RBM25: variants seen among roughly 807,000 people sequenced by gnomAD.
The protein encoded by RBM25 is RNA-binding protein 25.
Under a neutral mutation model 120.7 loss-of-function variants are expected in RBM25, and 19 were observed. The observed-to-expected ratio is 0.16, with a 90% confidence interval of 0.11 to 0.23. RBM25 has a LOEUF of 0.23. Ranked by LOEUF, RBM25 falls within the 10% of genes least tolerant of loss-of-function variation. The probability of loss-of-function intolerance (pLI) is 1.00; values close to 1 mark genes in which losing one functional copy is unlikely to be tolerated. For synonymous variants in RBM25, 390 were observed against 326.7 expected, an observed-to-expected ratio of 1.19 and a Z score of -2.09; for missense variants, 605 against 1,041.5, an observed-to-expected ratio of 0.58 and a Z score of 5.77.
chr14:73,076,024 A>G (rs1895412488), intron 2 of RBM25, among the ~76,000 whole-genome samples: 1 of 152,168 alleles, frequency 6.6e-6, no homozygotes, highest in Non-Finnish European at 1.5e-5. Flanking sequence ...ATTGGTTTTG[A>G]GGATCACCGA....
In RBM25 at chr14:73,109,365, T is replaced by C; in HGVS notation, c.1565T>C (p.Leu522Ser). The C allele has an allele frequency of 6.2e-7, 1 of 1,613,900 alleles. No homozygotes were observed. Among genetic ancestry groups the C allele is most frequent in the Non-Finnish European group, 8.5e-7 (1 of 1,179,910 alleles). ...YYRGSALQKR[L>S]RDREKEMEAD... ...AGAGGAAGTGCTCTTCAGAAAAGGT[T>C]GCGTGATAGAGAAAAGGAAATGGAA... The change falls in exon 14 of 19, where the codon TTG becomes TCG. Residue 522 changes from leucine (L) to serine (S), a missense_variant. By Grantham distance (145) the Leu-to-Ser change is moderately radical. This residue lies in a region of RBM25 where 465 missense variants were observed against 741.6 expected (regional missense o/e 0.63). Coordinates refer to ENST00000261973, the MANE Select transcript of RBM25 (RefSeq NM_021239.3).
Position 73,120,048 on chromosome 14 carries a change from G to T in RBM25, c.*243G>T. ...AAATTACTGGTATGTTTTATAAGCC[G>T]CAGCTACTGTACACAGCCTATCTGA... On this transcript the variant is annotated 3_prime_UTR_variant, in exon 19 of 19. Coordinates refer to ENST00000261973, the MANE Select transcript of RBM25 (RefSeq NM_021239.3). 1 of 421,002 alleles carries T rather than the reference G, an allele frequency of 2.4e-6. No homozygotes were observed. The highest frequency in any genetic ancestry group is 4.0e-6 in the Non-Finnish European group (1 of 247,010). 26.1% of individuals were successfully genotyped at this position (421,002 alleles called of 1,614,324 possible). A position where few individuals can be genotyped will look rare whatever the true frequency, so the allele number is the denominator to read the frequency against.
intron 6 of RBM25, among the ~76,000 whole-genome samples, chr14:73,093,129 C>T (rs1288120232): frequency 5.3e-5 from 8 of 152,102 alleles, no homozygotes; most frequent in Non-Finnish European, 1.0e-4. Context: ...AGTTATTAAC[C>T]ATATATTCAA....
chr14:73,081,590 A>G (rs1895565105), intron 4 of RBM25, among the ~76,000 whole-genome samples: 1 of 152,166 alleles, frequency 6.6e-6, no homozygotes, highest in Non-Finnish European at 1.5e-5. Context: ...GACACATAGT[A>G]GTTCCTGTTA....
intron 1 of RBM25, chr14:73,068,671 CTTCCT>C (rs1895202193): frequency 2.9e-6 from 1 of 345,666 alleles, no homozygotes; most frequent in African/African-American, 2.1e-5. Flanking sequence ...GGGACGCACG[CTTCCT>C]TGGCTGGACT....
Position 73,080,827 on chromosome 14 carries a change from T to C in RBM25, c.325-2667T>C, listed in dbSNP as rs933152471. The stretch of plus-strand genomic sequence containing the variant: ...TTTGGTTTGTTTTCTTTCTTTCTTT[T>C]TTTTTTTTTTTATTTGAGATGGAGT... On this transcript the variant is annotated intron_variant, in intron 4 of 18. Coordinates refer to ENST00000261973, the MANE Select transcript of RBM25 (RefSeq NM_021239.3). Among the ~76,000 whole-genome samples the C allele has an allele frequency of 8.0e-5, 12 of 149,942 alleles. No homozygotes were observed. In the South Asian group the frequency reaches 8.4e-4, roughly 10 times the overall value.
intron 13 of RBM25, 98 bp from the exon 14 acceptor site, chr14:73,109,244 C>A: frequency 1.6e-6 from 2 of 1,264,864 alleles, no homozygotes; most frequent in Non-Finnish European, 2.2e-6. Flanking sequence ...TCTTAGCATG[C>A]AGGTTGTAAT....
At chr14:73,113,491 G>T (rs527868573) in intron 17 of RBM25, among the ~76,000 whole-genome samples, 5 of 151,798 alleles carry the variant, frequency 3.3e-5, no homozygotes, top group Admixed American at 2.6e-4. Context: ...ACGAGTTTGA[G>T]ACCAGCCCGG....
Position 73,082,594 on chromosome 14 carries a change from A to G in RBM25, c.325-900A>G, listed in dbSNP as rs1197337302. Among the ~76,000 whole-genome samples the G allele has an allele frequency of 2.0e-5, 3 of 152,098 alleles. No homozygotes were observed. In the South Asian group the frequency reaches 6.2e-4, roughly 31 times the overall value. ...ACGTGAGCTACACCTCGCTGCTTTT[A>G]TTTTTAAAGTATAATAGTGTCCTAC... On this transcript the variant is annotated intron_variant, in intron 4 of 18. Coordinates refer to ENST00000261973, the MANE Select transcript of RBM25 (RefSeq NM_021239.3).
At chr14:73,094,059 C>T (rs1477196466) in intron 6 of RBM25, among the ~76,000 whole-genome samples, 2 of 149,112 alleles carry the variant, frequency 1.3e-5, no homozygotes, top group African/African-American at 5.0e-5. Context: ...TCACGCCATT[C>T]TCCTGCCTCA....
At chr14:73,098,529 T>G (rs1895996222) in intron 7 of RBM25, among the ~76,000 whole-genome samples, 1 of 152,260 alleles carries the variant, frequency 6.6e-6, no homozygotes, top group South Asian at 2.1e-4. Context: ...TATATTATTT[T>G]AAATTTCAGT....
At chr14:73,075,551 CAA>C (rs1895397178) in intron 2 of RBM25, among the ~76,000 whole-genome samples, 1 of 152,162 alleles carries the variant, frequency 6.6e-6, no homozygotes, top group African/African-American at 2.4e-5. Context: ...AAATAACTGT[CAA>C]AAGATTTGTT....
At chr14:73,074,381 G>A (rs1302746914) in intron 2 of RBM25, among the ~76,000 whole-genome samples, 1 of 152,056 alleles carries the variant, frequency 6.6e-6, no homozygotes, top group Non-Finnish European at 1.5e-5. Context: ...CACCATGACT[G>A]ACTCAGATCC....
At chr14:73,086,099 C>T (rs1024896221) in intron 5 of RBM25, among the ~76,000 whole-genome samples, 3 of 151,764 alleles carry the variant, frequency 2.0e-5, no homozygotes, top group African/African-American at 7.3e-5. Flanking sequence ...TCAGCCATTT[C>T]TCCAGGGGAA....
chr14:73,105,351 C>G (rs1275161508), intron 10 of RBM25, among the ~76,000 whole-genome samples: 1 of 152,116 alleles, frequency 6.6e-6, no homozygotes, highest in Non-Finnish European at 1.5e-5. Context: ...TATTTGAGAA[C>G]TTTCAGTGCT....
intron 1 of RBM25, chr14:73,059,440 C>T (rs10498532): frequency 7.2e-5 from 11 of 152,162 alleles, no homozygotes; most frequent in African/African-American, 2.7e-4. Flanking sequence ...GTCGTCAATC[C>T]TGCTTTTAAA....
At chr14:73,062,987 A>AT (rs373078058) in intron 1 of RBM25, among the ~76,000 whole-genome samples, 1 of 149,770 alleles carries the variant, frequency 6.7e-6, no homozygotes, top group South Asian at 2.1e-4. Context: ...CACCTGGCTA[A>AT]TTTTTTGTAT....
chr14:73,096,102 C>T (rs910886116), intron 6 of RBM25, among the ~76,000 whole-genome samples: 2 of 152,058 alleles, frequency 1.3e-5, no homozygotes, highest in African/African-American at 2.4e-5. Flanking sequence ...CTCAGCCTCC[C>T]GAGGAGCTGG....
chr14:73,090,561 T>G (rs976470013), intron 6 of RBM25, among the ~76,000 whole-genome samples: 2 of 152,244 alleles, frequency 1.3e-5, no homozygotes, highest in African/African-American at 2.4e-5. Context: ...TCATACAGAC[T>G]TTATCAGCCT....
Sources: allele counts gnomAD v4.1 joint callset (sites outside exome capture counted in the v4.1 genomes callset), GRCh38; gene constraint gnomAD v4.1.1; regional missense constraint gnomAD v4.1.1; transcripts MANE v1.5; gene names NCBI Gene and HGNC (gene_info 2026-07-23, HGNC 2026-07-21).